TMTC1: variants seen among roughly 807,000 people sequenced by gnomAD.
TMTC1 encodes the protein transmembrane O-mannosyltransferase targeting cadherins 1.
In TMTC1, 73 loss-of-function variants were observed where a neutral mutation model predicts 104.8. The observed-to-expected ratio is 0.70, with a 90% CI of 0.58 to 0.85. The LOEUF (loss-of-function observed/expected upper bound fraction) is 0.85, where lower values mean the gene tolerates loss of function less well. Ranked by LOEUF, TMTC1 falls within the 40% of genes least tolerant of loss-of-function variation. TMTC1 has a pLI of 0.00. For missense variants in TMTC1, 1,035 were observed against 1,096.1 expected (o/e 0.94, Z 0.79); for synonymous variants, 434 against 428.7 (o/e 1.01, Z -0.15).
chr12:29,739,083 T>C (rs1591995041), intron 5 of TMTC1, among the ~76,000 whole-genome samples: 1 of 152,176 alleles, frequency 6.6e-6, no homozygotes, highest in South Asian at 2.1e-4. Flanking sequence ...TTAAATCATA[T>C]GTTGCATCAG....
intron 5 of TMTC1, among the ~76,000 whole-genome samples, chr12:29,704,426 T>C (rs1175591100): frequency 2.0e-5 from 3 of 152,206 alleles, no homozygotes; most frequent in African/African-American, 7.2e-5. Context: ...CTTGGGGGCA[T>C]AGGCAGATAA....
At chr12:29,695,310 T>C (rs1291589605) in intron 5 of TMTC1, among the ~76,000 whole-genome samples, 2 of 151,102 alleles carry the variant, frequency 1.3e-5, no homozygotes, top group Non-Finnish European at 3.0e-5. Context: ...CAGGTTTTTG[T>C]TTGTTTGTTT....
At chr12:29,646,754 C>G (rs930136166) in intron 5 of TMTC1, among the ~76,000 whole-genome samples, 1 of 152,130 alleles carries the variant, frequency 6.6e-6, no homozygotes, top group East Asian at 1.9e-4. Context: ...AAAGACATAA[C>G]AGGGGCAGCA....
intron 11 of TMTC1, chr12:29,533,167 G>T (rs959484327): frequency 6.6e-6 from 1 of 152,014 alleles, no homozygotes; most frequent in African/African-American, 2.4e-5. Context: ...TAAAACTTGG[G>T]CTCCATTATG....
intron 6 of TMTC1, among the ~76,000 whole-genome samples, chr12:29,621,000 A>G (rs1029662365): frequency 6.6e-6 from 1 of 152,242 alleles, no homozygotes; most frequent in Non-Finnish European, 1.5e-5. Context: ...CAGGCAGAAC[A>G]AGATGGATGG....
At chr12:29,690,682 A>T (rs76181505) in intron 5 of TMTC1, among the ~76,000 whole-genome samples, 21,071 of 152,268 alleles carry the variant, frequency 0.14, 1,745 homozygotes, top group East Asian at 0.34. Flanking sequence ...GACAGAATTA[A>T]ACATTGACAA....
intron 4 of TMTC1, among the ~76,000 whole-genome samples, chr12:29,753,440 G>C (rs934307161): frequency 6.6e-6 from 1 of 152,194 alleles, no homozygotes; most frequent in Non-Finnish European, 1.5e-5. Context: ...TGTGAATCTG[G>C]AGCCACGCGG....
chr12:29,692,828 G>A (rs1941303260), intron 5 of TMTC1, among the ~76,000 whole-genome samples: 1 of 145,060 alleles, frequency 6.9e-6, no homozygotes, highest in South Asian at 2.2e-4. Context: ...GAAGAAAGTA[G>A]TAATACATGT....
chr12:29,770,265 T>C (rs1470072597), intron 1 of TMTC1, among the ~76,000 whole-genome samples: 1 of 152,216 alleles, frequency 6.6e-6, no homozygotes, highest in African/African-American at 2.4e-5. Flanking sequence ...GTATTTAACA[T>C]ATATTCCTTT....
In TMTC1 at chr12:29,751,718, G is replaced by A; in HGVS notation, c.886C>T (p.Pro296Ser). The change falls in exon 5 of 18, where the codon CCC becomes TCC. Residue 296 changes from proline (P) to serine (S), a missense_variant. Physicochemically the swap from Pro to Ser is moderately conservative, Grantham distance 74 (BLOSUM62 -1). Coordinates refer to ENST00000539277, the MANE Select transcript of TMTC1 (RefSeq NM_001193451.2). ...GGCHSPLPPE[P>S]KSSGFPVSPR... is the part of the protein sequence containing the mutation. ...GACACTGGGAATCCACTGCTCTTGG[G>A]TTCTGGTGGCAGTGGAGAGTGGCAG... 1 of 1,614,138 alleles carries A rather than the reference G, an allele frequency of 6.2e-7. No homozygotes were observed. Among genetic ancestry groups the A allele is most frequent in the East Asian group, 2.2e-5 (1 of 44,872 alleles).
chr12:29,661,862 G>T (rs774010833), intron 5 of TMTC1, among the ~76,000 whole-genome samples: 2 of 152,116 alleles, frequency 1.3e-5, no homozygotes, highest in African/African-American at 4.8e-5. Flanking sequence ...TTACAAGAAC[G>T]TCAGCTTCTA....
chr12:29,761,809 T>G (rs1344949034), intron 2 of TMTC1, among the ~76,000 whole-genome samples: 1 of 152,068 alleles, frequency 6.6e-6, no homozygotes, highest in African/African-American at 2.4e-5. Context: ...TAGTAGGAAA[T>G]AGTTTTCTGG....
chr12:29,723,782 C>T (rs1449872663), intron 5 of TMTC1, among the ~76,000 whole-genome samples: 1 of 152,100 alleles, frequency 6.6e-6, no homozygotes, highest in Non-Finnish European at 1.5e-5. Context: ...GAAATTTAAT[C>T]TGTGACAGTT....
chr12:29,506,809 A>G lies in TMTC1; in HGVS notation c.*37T>C. 6.2e-7 allele frequency: 1 copy of G among 1,612,330 alleles called. No homozygotes were observed. Among genetic ancestry groups the G allele is most frequent in the Non-Finnish European group, 8.5e-7 (1 of 1,178,660 alleles). On this transcript the variant is annotated 3_prime_UTR_variant, in exon 18 of 18. Transcript: ENST00000539277. ...CTTCCATCACTCCCCTTTCAGAGGC[A>G]CCACATTATCCTATGAGGTTGGGTC...
At chr12:29,733,279 G>A (rs1043226044) in intron 5 of TMTC1, among the ~76,000 whole-genome samples, 3 of 152,080 alleles carry the variant, frequency 2.0e-5, no homozygotes, top group Admixed American at 6.5e-5. Context: ...TGTGGGTGGC[G>A]GAAGTAGGCA....
intron 7 of TMTC1, among the ~76,000 whole-genome samples, chr12:29,588,617 G>T (rs1414031474): frequency 1.3e-5 from 2 of 152,206 alleles, no homozygotes; most frequent in African/African-American, 2.4e-5. Context: ...GAATTCACAT[G>T]GGTAGGGAAC....
At chr12:29,519,810 G>A (rs549474175) in intron 12 of TMTC1, 2 of 152,102 alleles carry the variant, frequency 1.3e-5, no homozygotes, top group Non-Finnish European at 2.9e-5. Context: ...TTTTACACAG[G>A]CAAAAATAAG....
intron 6 of TMTC1, among the ~76,000 whole-genome samples, chr12:29,608,295 C>A (rs1342420298): frequency 2.0e-5 from 3 of 152,158 alleles, no homozygotes; most frequent in African/African-American, 7.2e-5. Context: ...TAATTTATAG[C>A]TTCTTTTAGC....
Position 29,783,803 on chromosome 12 carries a change from T to TC in TMTC1, c.-53dup. ...GGCCTCTCCCGGGCGTCTGGCATCC[T>TC]CCCCTACCGGGGCCCCGGCGGCGCG... On this transcript the variant is annotated 5_prime_UTR_variant, in exon 1 of 18. Transcript: ENST00000539277. This position sits in a 1 kb window ranked among gnomAD's most constrained non-coding sequence, Gnocchi z 4.7. The TC allele has an allele frequency of 8.9e-7, 1 of 1,119,988 alleles. No homozygotes were observed. The highest frequency in any genetic ancestry group is 3.9e-4 in the Middle Eastern group (1 of 2,556). The allele number at this position is 1,119,988 out of a possible 1,614,324, so 69.4% of individuals were successfully genotyped here.
Sources: allele counts gnomAD v4.1 joint callset (sites outside exome capture counted in the v4.1 genomes callset), GRCh38; gene constraint gnomAD v4.1.1; non-coding constraint Gnocchi (gnomAD v3.1); transcripts MANE v1.5; gene names NCBI Gene and HGNC (gene_info 2026-07-23, HGNC 2026-07-21).